ZNF160: variants seen among roughly 807,000 people sequenced by gnomAD.
ZNF160 encodes the protein zinc finger protein 160.
Under a neutral mutation model 13.1 loss-of-function variants are expected in ZNF160, and 9 were observed. That is an observed-to-expected ratio of 0.69 (90% confidence interval 0.41 to 1.20). The LOEUF (loss-of-function observed/expected upper bound fraction) is 1.20. ZNF160 is among the 50% of genes most tolerant of loss of function. The probability of loss-of-function intolerance (pLI) is 0.01; values close to 1 mark genes in which losing one functional copy is unlikely to be tolerated. For synonymous variants in ZNF160, 293 were observed against 333.2 expected (o/e 0.88, Z 1.31); for missense variants, 838 against 988.0 (o/e 0.85, Z 2.04).
chr19:53,101,213 G>A (rs1237624452), intron 1 of ZNF160, among the ~76,000 whole-genome samples: 3 of 152,146 alleles, frequency 2.0e-5, no homozygotes, highest in Non-Finnish European at 4.4e-5. Context: ...CCAGGAGACA[G>A]AGGTTGCAGT....
intron 1 of ZNF160, among the ~76,000 whole-genome samples, chr19:53,100,489 A>G (rs2085404314): frequency 6.6e-6 from 1 of 152,178 alleles, no homozygotes; most frequent in Non-Finnish European, 1.5e-5. Flanking sequence ...GGCTGCCTGT[A>G]GTCCCAACTA....
At chr19:53,072,847 A>G in intron 5 of ZNF160, 1 of 693,312 alleles carries the variant, frequency 1.4e-6, no homozygotes, top group Non-Finnish European at 1.8e-6. Flanking sequence ...GCGAAACTTC[A>G]TTTAAAAAAA....
At position 53,067,994 on chromosome 19, in the gene ZNF160, G is replaced by GTCA; in HGVS notation, c.*80_*82dup. On this transcript the variant is annotated 3_prime_UTR_variant, in exon 6 of 6. Transcript: ENST00000683776. ...TTCAACTCATGAGGGATTGGCCACT[G>GTCA]TCACTACATTTGTAAGGATTCTGTC... The GTCA allele has an allele frequency of 6.6e-7, 1 of 1,514,834 alleles. No homozygotes were observed. Among genetic ancestry groups the GTCA allele is most frequent in the Non-Finnish European group, 8.9e-7 (1 of 1,129,660 alleles). 93.8% of individuals were successfully genotyped at this position (1,514,834 alleles called of 1,614,324 possible).
chr19:53,094,049 C>A (rs1351015692), intron 1 of ZNF160, among the ~76,000 whole-genome samples: 1 of 152,188 alleles, frequency 6.6e-6, no homozygotes, highest in Non-Finnish European at 1.5e-5. Flanking sequence ...CAAGGTAACA[C>A]TCCAAACTAT....
chr19:53,088,387 ACAAAGTGGCCG>A (rs1555768661), intron 2 of ZNF160, among the ~76,000 whole-genome samples: 2 of 152,142 alleles, frequency 1.3e-5, no homozygotes, highest in Non-Finnish European at 2.9e-5. Context: ...ATAATTGAAG[ACAAAGTGGCCG>A]CACACGGCTC....
intron 3 of ZNF160, among the ~76,000 whole-genome samples, chr19:53,081,611 A>C (rs78926475): frequency 0.087 from 13,071 of 151,080 alleles, 713 homozygotes; most frequent in South Asian, 0.14. Flanking sequence ...TAAAAAAAAA[A>C]CAACAAATAT....
At chr19:53,095,521 C>T (rs1193819079) in intron 1 of ZNF160, 1 of 151,986 alleles carries the variant, frequency 6.6e-6, no homozygotes, top group East Asian at 2.0e-4. Context: ...GGCTCTGCAG[C>T]TTGTCTATGA....
intron 1 of ZNF160, among the ~76,000 whole-genome samples, chr19:53,098,700 C>A (rs1365581518): frequency 6.6e-6 from 1 of 151,568 alleles, no homozygotes; most frequent in East Asian, 1.9e-4. Context: ...TCTCGCCACC[C>A]TTCCTGAAGG....
chr19:53,075,377 T>G (rs1454878062), intron 3 of ZNF160, 194 bp from the exon 4 acceptor site: 1 of 617,420 alleles, frequency 1.6e-6, no homozygotes, highest in Non-Finnish European at 2.8e-6. Flanking sequence ...TTGAAATCAG[T>G]GGAGTGATAA....
rs2084684248 is a variant in ZNF160, at chr19:53,082,827, T to C, written c.15+3435A>G. Reference sequence around the variant, plus strand: ...GGAGATAGTGGCAAATCCCACAGGTTGAGGGTTCAGTCCCACTTCGGGCGC... The same window carrying C: ...GGAGATAGTGGCAAATCCCACAGGTCGAGGGTTCAGTCCCACTTCGGGCGC... On this transcript the variant is annotated intron_variant, in intron 3 of 5. Transcript: ENST00000683776. Among the ~76,000 whole-genome samples the C allele has an allele frequency of 5.3e-5, 8 of 152,308 alleles. No homozygotes were observed. The South Asian group carries it at 1.7e-3, about 32-fold the overall frequency.
intron 5 of ZNF160, among the ~76,000 whole-genome samples, chr19:53,073,892 T>C (rs2084278648): frequency 6.6e-6 from 1 of 152,052 alleles, no homozygotes; most frequent in African/African-American, 2.4e-5. Context: ...TTCAAGCAAT[T>C]CTCTTGCCTC....
intron 3 of ZNF160, among the ~76,000 whole-genome samples, chr19:53,079,801 GAGGGCTGCATGCAGT>G (rs1395696664): frequency 2.6e-5 from 4 of 151,874 alleles, no homozygotes; most frequent in Non-Finnish European, 5.9e-5. Flanking sequence ...CAAACAGAAA[GAGGGCTGCATGCAGT>G]AGTTTGCACC....
In ZNF160 at chr19:53,067,510, T is replaced by C. The variant is rs576314756; in HGVS notation, c.*567A>G. The C allele has an allele frequency of 5.9e-5, 9 of 152,342 alleles. No individual in the cohort carries two copies. The highest frequency in any genetic ancestry group is 1.4e-4 in the African/African-American group (6 of 41,564). 9.4% of individuals were successfully genotyped at this position (152,342 alleles called of 1,614,324 possible). ...CTTCACCCAATCAATGATCCTTCCA[T>C]CCCAATGATCTTTCCAAGAAAGCAC... On this transcript the variant is annotated 3_prime_UTR_variant, in exon 6 of 6. Transcript: ENST00000683776.
intron 5 of ZNF160, 71 bp downstream of exon 5, chr19:53,074,069 C>T (rs2084284958): frequency 9.4e-6 from 14 of 1,488,058 alleles, no homozygotes; most frequent in African/African-American, 1.4e-5. Flanking sequence ...AGATTACAGG[C>T]GTGAGCTACT....
chr19:53,075,034 T>A (rs762998275), intron 4 of ZNF160, 23 bp downstream of exon 4: 2 of 1,613,958 alleles, frequency 1.2e-6, no homozygotes. Context: ...AGATCTTGAC[T>A]TCTGGAAGAA....
At chr19:53,070,535 T>C (rs1219286127) in intron 5 of ZNF160, among the ~76,000 whole-genome samples, 4 of 151,968 alleles carry the variant, frequency 2.6e-5, no homozygotes, top group Non-Finnish European at 5.9e-5. Context: ...CTCAGCCTCC[T>C]GAGTAGCTGG....
chr19:53,081,670 G>A (rs904381187), intron 3 of ZNF160, among the ~76,000 whole-genome samples: 3 of 152,066 alleles, frequency 2.0e-5, no homozygotes, highest in Admixed American at 6.6e-5. Context: ...ATACACTTAT[G>A]GGAATGCAAA....
At chr19:53,100,659 C>T (rs16984442) in intron 1 of ZNF160, among the ~76,000 whole-genome samples, 5,756 of 151,584 alleles carry the variant, frequency 0.038, 343 homozygotes, top group African/African-American at 0.13. Context: ...AAAAAAAAAG[C>T]GTCACTGATA....
At position 53,067,978 on chromosome 19, in the gene ZNF160, T is replaced by G; in HGVS notation, c.*99A>C. ...TCATATCTATTAATGCTTCAACTCA[T>G]GAGGGATTGGCCACTGTCACTACAT... On this transcript the variant is annotated 3_prime_UTR_variant, in exon 6 of 6. Transcript: ENST00000683776. The G allele has an allele frequency of 2.7e-6, 4 of 1,472,914 alleles. No homozygotes were observed. The highest frequency in any genetic ancestry group is 3.7e-6 in the Non-Finnish European group (4 of 1,095,384). 91.2% of individuals were successfully genotyped at this position (1,472,914 alleles called of 1,614,324 possible). A position where few individuals can be genotyped will look rare whatever the true frequency, so the allele number is the denominator to read the frequency against.
Sources: allele counts gnomAD v4.1 joint callset (sites outside exome capture counted in the v4.1 genomes callset), GRCh38; gene constraint gnomAD v4.1.1; transcripts MANE v1.5; gene names NCBI Gene and HGNC (gene_info 2026-07-23, HGNC 2026-07-21).